ELAPOR1: variants seen among roughly 807,000 people sequenced by gnomAD.
ELAPOR1 encodes endosome-lysosome associated apoptosis and autophagy regulator 1.
ELAPOR1 carries 77 observed loss-of-function variants against 119.7 expected under a neutral mutation model. That is an observed-to-expected ratio of 0.64 (90% CI 0.54 to 0.78). ELAPOR1 has a LOEUF of 0.78. Among genes scored for constraint, ELAPOR1 ranks in the 30% least tolerant of loss-of-function variants. The pLI, the probability that ELAPOR1 is intolerant of heterozygous loss-of-function variation, is 0.00. For synonymous variants in ELAPOR1, 481 were observed against 487.2 expected (o/e 0.99, Z 0.17); for missense variants, 1,115 against 1,270.4 (o/e 0.88, Z 1.86).
intron 8 of ELAPOR1, among the ~76,000 whole-genome samples, chr1:109,185,947 C>G (rs2101097115): frequency 6.6e-6 from 1 of 152,204 alleles, no homozygotes; most frequent in African/African-American, 2.4e-5. Context: ...AGGCATGCAT[C>G]ACTTAACAAA....
intron 1 of ELAPOR1, among the ~76,000 whole-genome samples, chr1:109,121,134 T>C (rs914124973): frequency 2.0e-5 from 3 of 152,216 alleles, no homozygotes; most frequent in Non-Finnish European, 2.9e-5. Flanking sequence ...TTGCATTCTG[T>C]ATTTCTTGAA....
intron 7 of ELAPOR1, among the ~76,000 whole-genome samples, chr1:109,182,902 C>G (rs1485487198): frequency 6.6e-6 from 1 of 151,550 alleles, no homozygotes; most frequent in Non-Finnish European, 1.5e-5. Flanking sequence ...TTCCACTACA[C>G]CATACTGCTT....
In ELAPOR1 at chr1:109,194,559, T is replaced by A. The variant is rs1653663827; in HGVS notation, c.2086T>A (p.Phe696Ile). 2 of 1,613,954 alleles carry A rather than the reference T, an allele frequency of 1.2e-6. No individual in the cohort carries two copies. Among genetic ancestry groups the A allele is most frequent in the Non-Finnish European group, 1.7e-6 (2 of 1,179,784 alleles). The change falls in exon 15 of 22, where the codon TTC (phenylalanine) becomes ATC (isoleucine). Residue 696 changes from phenylalanine to isoleucine, a missense_variant. Physicochemically the swap from Phe to Ile is conservative, Grantham distance 21. Transcript: ENST00000369939. ...PSFTSKGLKY[F>I]HHFTLSLCGN... is the part of the protein sequence containing the mutation. Reference sequence around the variant, plus strand: ...CTTCACTTCCAAAGGGCTGAAATACTTCCATCACTTTACCCTCAGTCTCTG... The same window carrying A: ...CTTCACTTCCAAAGGGCTGAAATACATCCATCACTTTACCCTCAGTCTCTG...
chr1:109,179,350 AGTGAGCC>A (rs1393179019), intron 7 of ELAPOR1, among the ~76,000 whole-genome samples: 1 of 145,424 alleles, frequency 6.9e-6, no homozygotes, highest in East Asian at 2.1e-4. Flanking sequence ...TGCAGGTTGC[AGTGAGCC>A]GAGATCATGC....
At chr1:109,130,641 C>G (rs146643781) in intron 1 of ELAPOR1, among the ~76,000 whole-genome samples, 2 of 151,830 alleles carry the variant, frequency 1.3e-5, no homozygotes, top group Non-Finnish European at 2.9e-5. Context: ...GCACTGCACC[C>G]GGCCAGCATA....
rs1372675269 is a variant in ELAPOR1, at chr1:109,189,684, T to A, written c.1439+2T>A. 2 of 1,613,176 alleles carry A rather than the reference T, an allele frequency of 1.2e-6. No homozygotes were observed. Among genetic ancestry groups the A allele is most frequent in the South Asian group, 2.2e-5 (2 of 91,042 alleles). On this transcript the variant is annotated splice_donor_variant, in intron 11 of 21. Coordinates refer to ENST00000369939, the MANE Select transcript of ELAPOR1 (RefSeq NM_020775.5). LOFTEE classifies it high-confidence loss of function. The stretch of plus-strand genomic sequence containing the variant: ...CACTCTGGTTGTGCCAGGATTTAGG[T>A]GAGGAATCCAAAGCCCAGGGGAGTC...
chr1:109,170,009 A>C (rs900740550), intron 3 of ELAPOR1, among the ~76,000 whole-genome samples: 2 of 152,238 alleles, frequency 1.3e-5, no homozygotes, highest in African/African-American at 4.8e-5. Flanking sequence ...GACGAAGCCA[A>C]AAAAGCTGGA....
At chr1:109,201,439 G>T (rs752814215) in intron 21 of ELAPOR1, 1 of 449,292 alleles carries the variant, frequency 2.2e-6, no homozygotes, top group Admixed American at 2.4e-5. Context: ...GCTTATAAAT[G>T]CAATACAGAC....
At chr1:109,152,990 A>AAAAATG (rs1415591245) in intron 1 of ELAPOR1, among the ~76,000 whole-genome samples, 2 of 151,306 alleles carry the variant, frequency 1.3e-5, no homozygotes, top group African/African-American at 4.8e-5. Context: ...AAGGACCACG[A>AAAAATG]AAAATGAAAA....
chr1:109,182,394 C>T (rs1234673803), intron 7 of ELAPOR1, among the ~76,000 whole-genome samples: 1 of 151,764 alleles, frequency 6.6e-6, no homozygotes, highest in Non-Finnish European at 1.5e-5. Flanking sequence ...ATAGTTACTG[C>T]TATCTAGTGA....
In ELAPOR1 at chr1:109,200,806, G is replaced by A. The variant is rs763762969; in HGVS notation, c.2879G>A (p.Ser960Asn). The stretch of plus-strand genomic sequence containing the variant: ...GACTGTGACCTGCCAGCAGCTGACA[G>A]CTGCGCCATCATGGAAGGCGAGGAT... ...LKDCDLPAAD[S>N]CAIMEGEDVE... Residue 960 changes from serine to asparagine, a missense_variant, in exon 21 of 22, where the codon AGC becomes AAC. By Grantham distance (46) the Ser-to-Asn change is conservative. Transcript: ENST00000369939. 3 of 1,614,192 alleles carry A rather than the reference G, an allele frequency of 1.9e-6. No individual in the cohort carries two copies. Among genetic ancestry groups the A allele is most frequent in the Admixed American group, 1.7e-5 (1 of 60,026 alleles).
intron 1 of ELAPOR1, among the ~76,000 whole-genome samples, chr1:109,115,428 A>G (rs911429015): frequency 3.3e-5 from 5 of 152,164 alleles, no homozygotes; most frequent in African/African-American, 1.2e-4. Flanking sequence ...ATATAGATGT[A>G]TTTTCTTTAC....
At chr1:109,150,026 T>A (rs1249119959) in intron 1 of ELAPOR1, among the ~76,000 whole-genome samples, 1 of 152,242 alleles carries the variant, frequency 6.6e-6, no homozygotes, top group Admixed American at 6.5e-5. Flanking sequence ...GCCGCAGTCC[T>A]GTCTCCCTCA....
chr1:109,114,269 T>G lies in ELAPOR1; in HGVS notation c.86T>G (p.Leu29Arg), dbSNP rs749544546. The change falls in exon 1 of 22, where the codon CTG (leucine) becomes CGG (arginine). Residue 29 changes from leucine (L) to arginine (R), a missense_variant. Coordinates refer to ENST00000369939, the MANE Select transcript of ELAPOR1 (RefSeq NM_020775.5). ...CGCATACCCCGGCTGTGGCGGCTGC[T>G]GCTCTGGGCTGGGACCGCCTTCCAG... is the stretch of plus-strand genomic sequence containing the variant. Reference protein sequence around the residue: ...ERRIPRLWRLLLWAGTAFQVT... With the variant: ...ERRIPRLWRLRLWAGTAFQVT... The G allele has an allele frequency of 5.0e-6, 8 of 1,599,898 alleles. No individual in the cohort carries two copies. The highest frequency in any genetic ancestry group is 1.3e-5 in the African/African-American group (1 of 74,710).
chr1:109,188,375 C>T (rs776725283), intron 9 of ELAPOR1, 21 bp downstream of exon 9: 1 of 1,595,468 alleles, frequency 6.3e-7, no homozygotes, highest in South Asian at 1.1e-5. Context: ...CACCACCCCA[C>T]TCTCTGCAGC....
At chr1:109,149,959 G>A (rs965418478) in intron 1 of ELAPOR1, among the ~76,000 whole-genome samples, 2 of 152,216 alleles carry the variant, frequency 1.3e-5, no homozygotes, top group African/African-American at 4.8e-5. Context: ...ACAGTGCCGG[G>A]CCCCGAGCCT....
chr1:109,201,291 T>C (rs1424517808), intron 21 of ELAPOR1: 3 of 458,102 alleles, frequency 6.5e-6, no homozygotes, highest in Middle Eastern at 3.4e-4. Flanking sequence ...AGGCTCTCCT[T>C]TGACCAGTGG....
chr1:109,193,117 G>T (rs1297459130), intron 14 of ELAPOR1, among the ~76,000 whole-genome samples: 1 of 152,100 alleles, frequency 6.6e-6, no homozygotes, highest in Admixed American at 6.6e-5. Context: ...AGGTAAGAGA[G>T]GTTGGTGACT....
chr1:109,190,710 G>A (rs145489658), intron 11 of ELAPOR1, among the ~76,000 whole-genome samples: 57 of 152,148 alleles, frequency 3.7e-4, no homozygotes, highest in East Asian at 1.2e-3. Flanking sequence ...AAATCTGATC[G>A]TCATAGTAAA....
Sources: gnomAD v4.1 joint callset for allele counts (sites outside exome capture counted in the v4.1 genomes callset) on GRCh38, gnomAD v4.1.1 for gene constraint, MANE v1.5 for transcripts, NCBI Gene and HGNC (gene_info 2026-07-23, HGNC 2026-07-21) for gene names.